Variants in SIPA1L2 observed in about 807,000 individuals in gnomAD.
SIPA1L2 encodes signal induced proliferation associated 1 like 2, also known as signal-induced proliferation-associated 1-like protein 2.
Under a neutral mutation model 163.9 loss-of-function variants are expected in SIPA1L2, and 56 were observed. The observed-to-expected ratio is 0.34, with a 90% CI of 0.28 to 0.43. The LOEUF (loss-of-function observed/expected upper bound fraction) is 0.43, where lower values mean the gene tolerates loss of function less well. SIPA1L2 is among the 20% of genes least tolerant of loss of function. The probability of loss-of-function intolerance (pLI) is 1.00; values close to 1 mark genes in which losing one functional copy is unlikely to be tolerated. For missense variants in SIPA1L2, 1,974 were observed against 2,193.5 expected (o/e 0.90, Z 2.00); for synonymous variants, 877 against 865.7 (o/e 1.01, Z -0.23).
At chr1:232,603,463 G>T (rs151037126) in intron 1 of SIPA1L2, among the ~76,000 whole-genome samples, 29 of 152,238 alleles carry the variant, frequency 1.9e-4, no homozygotes, top group Non-Finnish European at 4.1e-4. Flanking sequence ...GGAGGGAGGA[G>T]AACGAGGCGC....
chr1:232,545,465 C>A (rs952531384), intron 2 of SIPA1L2, among the ~76,000 whole-genome samples: 1 of 152,198 alleles, frequency 6.6e-6, no homozygotes. Context: ...AATCTACTTA[C>A]ATTACAAAAC....
intron 7 of SIPA1L2, among the ~76,000 whole-genome samples, chr1:232,477,240 T>G (rs552320244): frequency 9.9e-5 from 15 of 152,204 alleles, no homozygotes; most frequent in Non-Finnish European, 1.8e-4. Context: ...TTTTTCATAA[T>G]AGATCTTTAG....
At position 232,415,485 on chromosome 1, in the gene SIPA1L2, A is replaced by T. The variant is rs748848021; in HGVS notation, c.4762+9T>A. 2 of 1,600,914 alleles carry T rather than the reference A, an allele frequency of 1.2e-6. No individual in the cohort carries two copies. Among genetic ancestry groups the T allele is most frequent in the Non-Finnish European group, 1.7e-6 (2 of 1,174,142 alleles). On this transcript the variant is annotated intron_variant, in intron 19 of 22. Transcript: ENST00000674635. ...TAAGGGGTGAGGCCAGAGGCTGGTG[A>T]GTCTTTACCTTCAAATGCCCGTGCA...
intron 18 of SIPA1L2, among the ~76,000 whole-genome samples, chr1:232,423,102 C>T (rs574847991): frequency 3.3e-5 from 5 of 152,250 alleles, no homozygotes; most frequent in South Asian, 2.1e-4. Context: ...CAGCCACGCA[C>T]GAGATTCCAT....
intron 2 of SIPA1L2, among the ~76,000 whole-genome samples, chr1:232,564,708 GT>G (rs1359344374): frequency 6.6e-6 from 1 of 152,128 alleles, no homozygotes; most frequent in African/African-American, 2.4e-5. Flanking sequence ...CTTACTCTGG[GT>G]TTTTATTGTG....
intron 1 of SIPA1L2, among the ~76,000 whole-genome samples, chr1:232,583,690 G>C (rs928610110): frequency 6.6e-6 from 1 of 152,134 alleles, no homozygotes; most frequent in South Asian, 2.1e-4. Flanking sequence ...TCTATTTTAA[G>C]GACAGCTACT....
chr1:232,493,822 C>T (rs894145003), intron 3 of SIPA1L2, among the ~76,000 whole-genome samples, 162 bp from the exon 4 acceptor site: 3 of 152,148 alleles, frequency 2.0e-5, no homozygotes, highest in Non-Finnish European at 2.9e-5. Context: ...GTTTCCAGTT[C>T]GGATGCACGC....
intron 13 of SIPA1L2, 143 bp from the exon 14 acceptor site, chr1:232,441,537 T>C (rs1180190457): frequency 5.0e-6 from 4 of 804,478 alleles, no homozygotes; most frequent in Non-Finnish European, 6.2e-6. Context: ...AATGGATATG[T>C]CACAAAAGTA....
chr1:232,608,877 A>T (rs1662101375), intron 1 of SIPA1L2, among the ~76,000 whole-genome samples: 1 of 152,112 alleles, frequency 6.6e-6, no homozygotes, highest in African/African-American at 2.4e-5. Context: ...GCCCCAAAAT[A>T]AATCTTCCAA....
intron 3 of SIPA1L2, among the ~76,000 whole-genome samples, chr1:232,501,073 T>TTTTTTTG (rs71173222): frequency 7.4e-6 from 1 of 136,002 alleles, no homozygotes; most frequent in African/African-American, 2.9e-5. Context: ...TTTTTTTTTT[T>TTTTTTTG]GTGAGACAGA....
chr1:232,533,324 G>T (rs1310143483), intron 2 of SIPA1L2, among the ~76,000 whole-genome samples: 2 of 152,320 alleles, frequency 1.3e-5, no homozygotes, highest in Non-Finnish European at 2.9e-5. Context: ...TTCAGAAGTA[G>T]CATTAATGAT....
At chr1:232,402,518 G>T (rs1441541629) in intron 21 of SIPA1L2, 45 bp from the exon 22 acceptor site, 1 of 1,557,558 alleles carries the variant, frequency 6.4e-7, no homozygotes, top group Non-Finnish European at 8.8e-7. Context: ...AGAGTCAATC[G>T]AGCATTTTTG....
intron 10 of SIPA1L2, among the ~76,000 whole-genome samples, chr1:232,447,007 T>A (rs1014390838): frequency 2.0e-5 from 3 of 152,262 alleles, no homozygotes; most frequent in Non-Finnish European, 4.4e-5. Context: ...ATCTATGTTT[T>A]CAACTTTACA....
At chr1:232,490,593 C>A in intron 5 of SIPA1L2, 1 of 306,454 alleles carries the variant, frequency 3.3e-6, no homozygotes, top group Non-Finnish European at 6.0e-6. Context: ...CTACTATTGA[C>A]TTCTATTAAT....
intron 1 of SIPA1L2, among the ~76,000 whole-genome samples, chr1:232,597,677 G>A (rs187712193): frequency 0.015 from 1,769 of 117,412 alleles, 54 homozygotes; most frequent in African/African-American, 0.057. Flanking sequence ...GCGACAGAGC[G>A]AAACTCTGTC....
chr1:232,566,399 GA>G (rs1211275653), intron 2 of SIPA1L2, among the ~76,000 whole-genome samples: 2 of 152,170 alleles, frequency 1.3e-5, no homozygotes, highest in East Asian at 3.8e-4. Flanking sequence ...ACAAAGGAAA[GA>G]AAATAAACCA....
intron 2 of SIPA1L2, among the ~76,000 whole-genome samples, chr1:232,567,229 T>C (rs1414454794): frequency 6.6e-6 from 1 of 152,136 alleles, no homozygotes; most frequent in African/African-American, 2.4e-5. Context: ...ATGAAAAAGG[T>C]AAAATACTAA....
intron 16 of SIPA1L2, 93 bp from the exon 17 acceptor site, chr1:232,428,657 A>G (rs144344181): frequency 2.3e-6 from 2 of 876,244 alleles, no homozygotes. Flanking sequence ...CAACAGCCAC[A>G]AACGCATACA....
At chr1:232,596,890 T>TG (rs1389085477) in intron 1 of SIPA1L2, among the ~76,000 whole-genome samples, 3 of 152,158 alleles carry the variant, frequency 2.0e-5, no homozygotes, top group Non-Finnish European at 4.4e-5. Context: ...GGCCTCCTCC[T>TG]GCTCAAGGAC....
Sources: gnomAD v4.1 joint callset for allele counts (sites outside exome capture counted in the v4.1 genomes callset) on GRCh38, gnomAD v4.1.1 for gene constraint, MANE v1.5 for transcripts, NCBI Gene and HGNC (gene_info 2026-07-23, HGNC 2026-07-21) for gene names.